The following DAPK1 variants were observed in gnomAD, a reference collection of about 807,000 sequenced individuals.
The protein encoded by DAPK1 is death associated protein kinase 1.
Under a neutral mutation model 144.9 loss-of-function variants are expected in DAPK1, and 56 were observed. That is an observed-to-expected ratio of 0.39 (90% CI 0.31 to 0.48). DAPK1 has a LOEUF of 0.48. DAPK1 is among the 20% of genes least tolerant of loss of function. The pLI, the probability that DAPK1 is intolerant of heterozygous loss-of-function variation, is 0.95. For synonymous variants in DAPK1, 690 were observed against 749.0 expected, an observed-to-expected ratio of 0.92 and a Z score of 1.29; for missense variants, 1,454 against 1,875.4, an observed-to-expected ratio of 0.78 and a Z score of 4.15.
chr9:87,637,607 G>A (rs1203917374), intron 3 of DAPK1, among the ~76,000 whole-genome samples: 3 of 152,140 alleles, frequency 2.0e-5, no homozygotes, highest in East Asian at 1.9e-4. Context: ...TTTTTTTCTC[G>A]TCATTAGAGT....
rs1830387566 is a variant in DAPK1, at chr9:87,649,930, A to AC, written c.1444dup (p.Leu482ProfsTer18). ...TCGTCTCCTTGGCCAGGAAGAAGAA[A>AC]CCCCCCTGCACTGTGCTGCTTGGCA... On this transcript the variant is annotated frameshift_variant, in exon 16 of 26. Coordinates refer to ENST00000408954, the MANE Select transcript of DAPK1 (RefSeq NM_004938.4). LOFTEE classifies it high-confidence loss of function. The AC allele has an allele frequency of 6.2e-7, 1 of 1,613,524 alleles. No homozygotes were observed. Among genetic ancestry groups the AC allele is most frequent in the African/African-American group, 1.3e-5 (1 of 74,680 alleles).
chr9:87,500,039 A>G (rs1475993140), intron 2 of DAPK1, among the ~76,000 whole-genome samples: 2 of 152,196 alleles, frequency 1.3e-5, no homozygotes, highest in African/African-American at 4.8e-5. Flanking sequence ...GTATTTACTT[A>G]TATGTGCATT....
At position 87,649,825 on chromosome 9, in the gene DAPK1, C is replaced by T. The variant is rs12347042; in HGVS notation, c.1429-96C>T. On this transcript the variant is annotated intron_variant, in intron 15 of 25. Transcript: ENST00000408954. ...CTCTTTCCCTCTGCTGCCTTGGTTG[C>T]GTTTCTGCCAAATTTGACAGGGACT... 23,738 of 1,188,386 alleles carry T rather than the reference C, an allele frequency of 0.02. 3,219 individuals carry two copies. In the African/African-American group the frequency reaches 0.3, roughly 15 times the overall value. 73.6% of individuals were successfully genotyped at this position (1,188,386 alleles called of 1,614,324 possible).
chr9:87,654,557 T>C (rs1441915764), intron 17 of DAPK1, among the ~76,000 whole-genome samples: 1 of 152,248 alleles, frequency 6.6e-6, no homozygotes, highest in Non-Finnish European at 1.5e-5. Flanking sequence ...CATTAGCTGC[T>C]GGTTGCTTTC....
At chr9:87,528,916 C>T (rs1329378234) in intron 2 of DAPK1, among the ~76,000 whole-genome samples, 2 of 152,028 alleles carry the variant, frequency 1.3e-5, no homozygotes, top group East Asian at 3.9e-4. Context: ...ACACCATACC[C>T]CATTTTCTGC....
At chr9:87,579,276 T>C (rs1367693528) in intron 2 of DAPK1, among the ~76,000 whole-genome samples, 1 of 152,228 alleles carries the variant, frequency 6.6e-6, no homozygotes, top group Non-Finnish European at 1.5e-5. Context: ...ACCTCCTTGA[T>C]AAATGATGTT....
At chr9:87,557,037 G>C (rs1031576539) in intron 2 of DAPK1, among the ~76,000 whole-genome samples, 2 of 152,028 alleles carry the variant, frequency 1.3e-5, no homozygotes, top group African/African-American at 2.4e-5. Context: ...ATCTCATAAA[G>C]AACAGAAAAG....
intron 2 of DAPK1, 30 bp from the exon 3 acceptor site, chr9:87,604,924 G>T: frequency 6.2e-7 from 1 of 1,600,776 alleles, no homozygotes; most frequent in Non-Finnish European, 8.6e-7. Context: ...TTTTATGAAC[G>T]ATAAAGAATC....
chr9:87,549,871 T>G (rs958179922), intron 2 of DAPK1, among the ~76,000 whole-genome samples: 4 of 152,230 alleles, frequency 2.6e-5, no homozygotes, highest in Admixed American at 2.0e-4. Flanking sequence ...AGATCCACAA[T>G]GAACATTTTT....
chr9:87,652,903 C>T (rs533603907), intron 17 of DAPK1, among the ~76,000 whole-genome samples: 44 of 132,830 alleles, frequency 3.3e-4, no homozygotes, highest in Non-Finnish European at 8.3e-5. Flanking sequence ...CACCTGATCC[C>T]GGGTCCTGAT....
Position 87,706,704 on chromosome 9 carries a change from G to A in DAPK1, c.3633G>A (p.Leu1211=), listed in dbSNP as rs750492281. The A allele has an allele frequency of 2.5e-5, 40 of 1,612,604 alleles. No individual in the cohort carries two copies. Among genetic ancestry groups the A allele is most frequent in the Non-Finnish European group, 2.9e-5 (34 of 1,179,508 alleles). ...CGGAGAAGATCAAGTGCTGCCTGCT[G>A]CTGGACTCGGTGTGCAGCACCATTG... ...LETEKIKCCL[L]LDSVCSTIEN... is the part of the protein sequence containing the mutation. The change falls in exon 26 of 26, where the codon CTG becomes CTA. Residue 1211 remains leucine (L), a synonymous_variant. Transcript: ENST00000408954. This position sits in a 1 kb window ranked among gnomAD's most constrained non-coding sequence, Gnocchi z 9.0.
At chr9:87,593,428 T>C (rs901253799) in intron 2 of DAPK1, among the ~76,000 whole-genome samples, 1 of 149,182 alleles carries the variant, frequency 6.7e-6, no homozygotes, top group Non-Finnish European at 1.5e-5. Context: ...TAGACATCTT[T>C]CTTTGTTCAT....
chr9:87,676,698 G>C (rs888740007), intron 19 of DAPK1, among the ~76,000 whole-genome samples: 1 of 152,246 alleles, frequency 6.6e-6, no homozygotes, highest in Non-Finnish European at 1.5e-5. Flanking sequence ...ACAGCTCCTG[G>C]TGGAGGGGAA....
Position 87,651,770 on chromosome 9 carries a change from C to T in DAPK1, c.1824+46C>T, listed in dbSNP as rs376434181. On this transcript the variant is annotated intron_variant, in intron 17 of 25. Coordinates refer to ENST00000408954, the MANE Select transcript of DAPK1 (RefSeq NM_004938.4). Reference sequence around the variant, plus strand: ...CCCTACAGCTTCCAACTGTGTCCATCCACCCGATTCTGGGTCCTGATTCTG... The same window carrying T: ...CCCTACAGCTTCCAACTGTGTCCATTCACCCGATTCTGGGTCCTGATTCTG... The T allele has an allele frequency of 3.6e-5, 55 of 1,547,974 alleles. No homozygotes were observed. The African/African-American group carries it at 7.5e-4, about 21-fold the overall frequency.
intron 2 of DAPK1, among the ~76,000 whole-genome samples, chr9:87,601,394 GC>G (rs1828509333): frequency 6.6e-6 from 1 of 152,240 alleles, no homozygotes; most frequent in Non-Finnish European, 1.5e-5. Flanking sequence ...GCCTGCCTGA[GC>G]AGTTATAAGT....
intron 24 of DAPK1, among the ~76,000 whole-genome samples, chr9:87,702,081 G>T (rs537726419): frequency 1.5e-4 from 23 of 152,264 alleles, no homozygotes; most frequent in African/African-American, 5.3e-4. Context: ...ATGATCTGCT[G>T]CTTCTCAGAC....
At chr9:87,611,363 C>T (rs566171368) in intron 3 of DAPK1, among the ~76,000 whole-genome samples, 2 of 152,142 alleles carry the variant, frequency 1.3e-5, no homozygotes, top group Non-Finnish European at 2.9e-5. Flanking sequence ...GTTACCCAGG[C>T]TGGCCTCAAG....
Position 87,707,792 on chromosome 9 carries a change from T to G in DAPK1, c.*428T>G. On this transcript the variant is annotated 3_prime_UTR_variant, in exon 26 of 26. Transcript: ENST00000408954. This position sits in a 1 kb window ranked among gnomAD's most constrained non-coding sequence, Gnocchi z 4.0. ...AAAATGTGTATTTCTTATACGCTTT[T>G]CTTTGTTATACCATTTCCTCAGCTT... 2.2e-6 allele frequency: 1 copy of G among 455,680 alleles called. No homozygotes were observed. The highest frequency in any genetic ancestry group is 4.4e-6 in the Non-Finnish European group (1 of 228,030). The allele number at this position is 455,680 out of a possible 1,614,324, so 28.2% of individuals were successfully genotyped here.
In DAPK1 at chr9:87,652,086, G is replaced by A. The variant is rs186323188; in HGVS notation, c.1824+362G>A. 1.7e-3 allele frequency among the ~76,000 whole-genome samples: 244 copies of A among 146,616 alleles called. 4 individuals are homozygous for A. The highest frequency in any genetic ancestry group is 6.1e-3 in the African/African-American group (237 of 38,862). ...GTTCTCTCACCTGAACCCGGGTCCTGATTCTGTGTCCATCCCCCCGATCCT... is the reference window on the plus strand; with the variant it reads ...GTTCTCTCACCTGAACCCGGGTCCTAATTCTGTGTCCATCCCCCCGATCCT... On this transcript the variant is annotated intron_variant, in intron 17 of 25. Coordinates refer to ENST00000408954, the MANE Select transcript of DAPK1 (RefSeq NM_004938.4).
Sources: gnomAD v4.1 joint callset for allele counts (sites outside exome capture counted in the v4.1 genomes callset) on GRCh38, gnomAD v4.1.1 for gene constraint, Gnocchi (gnomAD v3.1) non-coding constraint, MANE v1.5 for transcripts, NCBI Gene and HGNC (gene_info 2026-07-23, HGNC 2026-07-21) for gene names.